Variants in TXNL1 observed in about 807,000 individuals in gnomAD.
TXNL1 encodes the protein thioredoxin like 1.
TXNL1 carries 14 observed loss-of-function variants against 35.5 expected under a neutral mutation model. That is an observed-to-expected ratio of 0.39 (90% CI 0.26 to 0.62). TXNL1 has a LOEUF of 0.62. Among genes scored for constraint, TXNL1 ranks in the 20% least tolerant of loss-of-function variants. TXNL1 has a pLI of 0.47. For synonymous variants in TXNL1, 110 were observed against 115.5 expected (o/e 0.95, Z 0.31); for missense variants, 263 against 349.7 (o/e 0.75, Z 1.98).
chr18:56,632,867 T>C (rs2024396604), intron 1 of TXNL1, among the ~76,000 whole-genome samples: 1 of 152,216 alleles, frequency 6.6e-6, no homozygotes, highest in African/African-American at 2.4e-5. Flanking sequence ...TACAGCTACT[T>C]GCTAACGTTT....
At chr18:56,615,378 T>C (rs1164004551) in intron 5 of TXNL1, among the ~76,000 whole-genome samples, 1 of 121,786 alleles carries the variant, frequency 8.2e-6, no homozygotes, top group Non-Finnish European at 1.7e-5. Flanking sequence ...TGGTTATTTC[T>C]TCCAATCAAT....
chr18:56,606,613 C>T (rs917137214), intron 7 of TXNL1, among the ~76,000 whole-genome samples: 5 of 152,202 alleles, frequency 3.3e-5, no homozygotes, highest in Non-Finnish European at 7.3e-5. Context: ...TCTTTCTTCA[C>T]AAAGTATTCT....
Position 56,600,704 on chromosome 18 carries a change from G to A in TXNL1, c.*2323C>T, listed in dbSNP as rs961452881. On this transcript the variant is annotated 3_prime_UTR_variant, in exon 8 of 8. Coordinates refer to ENST00000217515, the MANE Select transcript of TXNL1 (RefSeq NM_004786.3). ...TTTCAACTCTAATTGTTACGTGGCT[G>A]CCTCCAACAGAATATTGAGACTGGG... 2 of 152,026 alleles carry A rather than the reference G, an allele frequency of 1.3e-5. No individual in the cohort carries two copies. The highest frequency in any genetic ancestry group is 6.6e-5 in the Admixed American group (1 of 15,230). The allele number at this position is 152,026 out of a possible 1,614,324, so 9.4% of individuals were successfully genotyped here.
chr18:56,626,543 A>C, intron 1 of TXNL1, 86 bp from the exon 2 acceptor site: 2 of 1,130,126 alleles, frequency 1.8e-6, no homozygotes, highest in Non-Finnish European at 2.6e-6. Flanking sequence ...TAGAACAAAC[A>C]CTGATACTGC....
Position 56,636,484 on chromosome 18 carries a change from C to T in TXNL1, c.98+1859G>A, listed in dbSNP as rs187580080. Among the ~76,000 whole-genome samples the T allele has an allele frequency of 3.8e-4, 58 of 152,232 alleles. 1 individual carries two copies. The highest frequency in any genetic ancestry group is 3.7e-3 in the Admixed American group (57 of 15,284). ...GAATATTAAAGGTAAATACAATAAT[C>T]TTACCAGATTTGTAAACGTAATATA... is the stretch of plus-strand genomic sequence containing the variant. On this transcript the variant is annotated intron_variant, in intron 1 of 7. Transcript: ENST00000217515.
chr18:56,625,288 G>C (rs919952358), intron 2 of TXNL1, among the ~76,000 whole-genome samples: 3 of 151,988 alleles, frequency 2.0e-5, no homozygotes, highest in Admixed American at 2.0e-4. Context: ...AGCTACACAT[G>C]CAATTGTAAA....
At chr18:56,605,177 G>A (rs2023870035) in intron 7 of TXNL1, 1 of 152,078 alleles carries the variant, frequency 6.6e-6, no homozygotes, top group Non-Finnish European at 1.5e-5. Context: ...GATGATTGAG[G>A]AAACCTAGGT....
intron 6 of TXNL1, among the ~76,000 whole-genome samples, chr18:56,612,017 CTTT>C (rs1240758709): frequency 9.2e-6 from 1 of 109,120 alleles, no homozygotes; most frequent in Admixed American, 8.2e-5. Context: ...CCCGGCTAAT[CTTT>C]TTTTTTTTTT....
At chr18:56,626,275 A>T (rs763016127) in intron 2 of TXNL1, 86 bp downstream of exon 2, 49 of 1,538,642 alleles carry the variant, frequency 3.2e-5, no homozygotes, top group Non-Finnish European at 3.6e-5. Context: ...TACTATGTGC[A>T]TCAAGAGATA....
chr18:56,601,405 G>C lies in TXNL1; in HGVS notation c.*1622C>G, dbSNP rs1234341474. The C allele has an allele frequency of 6.6e-6, 1 of 152,138 alleles. No homozygotes were observed. The highest frequency in any genetic ancestry group is 1.5e-5 in the Non-Finnish European group (1 of 68,012). The allele number at this position is 152,138 out of a possible 1,614,324, so 9.4% of individuals were successfully genotyped here. A position where few individuals can be genotyped will look rare whatever the true frequency, so the allele number is the denominator to read the frequency against. ...AACTATCAAGTATAAATAGGAAAAG[G>C]TCAGCAATACTTAGGATGAGGCACT... On this transcript the variant is annotated 3_prime_UTR_variant, in exon 8 of 8. Coordinates refer to ENST00000217515, the MANE Select transcript of TXNL1 (RefSeq NM_004786.3).
At chr18:56,608,756 G>C (rs1447155258) in intron 7 of TXNL1, 2 of 152,062 alleles carry the variant, frequency 1.3e-5, no homozygotes, top group Non-Finnish European at 2.9e-5. Context: ...AGAGAAGCCT[G>C]GGCAACATAG....
intron 1 of TXNL1, among the ~76,000 whole-genome samples, chr18:56,634,157 A>G (rs2144340111): frequency 6.6e-6 from 1 of 152,304 alleles, no homozygotes; most frequent in East Asian, 1.9e-4. Flanking sequence ...ATTTGGAGAC[A>G]CTGTTTAAAA....
At chr18:56,603,687 TA>T (rs1316307345) in intron 7 of TXNL1, among the ~76,000 whole-genome samples, 1 of 152,142 alleles carries the variant, frequency 6.6e-6, no homozygotes, top group Non-Finnish European at 1.5e-5. Context: ...TGTGGCAGCA[TA>T]AAAATGTGAA....
chr18:56,634,311 G>A (rs1159464188), intron 1 of TXNL1, among the ~76,000 whole-genome samples: 1 of 152,154 alleles, frequency 6.6e-6, no homozygotes, highest in Non-Finnish European at 1.5e-5. Context: ...AGGCTGGAAA[G>A]ATCAAGAACA....
rs1171234008 is a variant in TXNL1 at position 56,614,141 on chromosome 18, C to T, written c.735+283G>A. On this transcript the variant is annotated intron_variant, in intron 6 of 7. Coordinates refer to ENST00000217515, the MANE Select transcript of TXNL1 (RefSeq NM_004786.3). ...GGTATAAAGAATAAAGCACAAATAT[C>T]TTCAGTTTTAGTATAAAGTTGTAGA... Among the ~76,000 whole-genome samples, 8 of 152,274 alleles carry T rather than the reference C, an allele frequency of 5.3e-5. No individual in the cohort carries two copies. The East Asian group carries it at 7.7e-4, about 15-fold the overall frequency.
chr18:56,604,964 CAATTT>C (rs2023865781), intron 7 of TXNL1, among the ~76,000 whole-genome samples: 2 of 148,578 alleles, frequency 1.3e-5, no homozygotes, highest in Admixed American at 6.7e-5. Flanking sequence ...CATTTTATAA[CAATTT>C]AATTTTATTG....
intron 3 of TXNL1, among the ~76,000 whole-genome samples, chr18:56,619,486 C>T (rs1249874364): frequency 3.5e-5 from 5 of 141,718 alleles, no homozygotes; most frequent in Admixed American, 2.2e-4. Context: ...TGCAGTGAGC[C>T]GAGATCACAC....
intron 6 of TXNL1, 28 bp from the exon 7 acceptor site, chr18:56,611,125 T>C: frequency 7.1e-7 from 1 of 1,401,532 alleles, no homozygotes; most frequent in Non-Finnish European, 1.0e-6. Flanking sequence ...GCATTTATAA[T>C]TACAATCCTT....
intron 7 of TXNL1, chr18:56,609,581 T>A (rs1472418195): frequency 6.6e-6 from 1 of 152,112 alleles, no homozygotes; most frequent in Non-Finnish European, 1.5e-5. Flanking sequence ...TAATGAATGA[T>A]ATGAGAAAAT....
Sources: gnomAD v4.1 joint callset for allele counts (sites outside exome capture counted in the v4.1 genomes callset) on GRCh38, gnomAD v4.1.1 for gene constraint, MANE v1.5 for transcripts, NCBI Gene and HGNC (gene_info 2026-07-23, HGNC 2026-07-21) for gene names.